HHAT: variants seen among roughly 807,000 people sequenced by gnomAD.
HHAT encodes protein-cysteine N-palmitoyltransferase HHAT.
Under a neutral mutation model 70.8 loss-of-function variants are expected in HHAT, and 47 were observed. The ratio of observed to expected loss-of-function variants is 0.66; its 90% CI spans 0.53 to 0.85. HHAT has a LOEUF of 0.85. Ranked by LOEUF, HHAT falls within the 40% of genes least tolerant of loss-of-function variation. The pLI, the probability that HHAT is intolerant of heterozygous loss-of-function variation, is 0.00. For missense variants in HHAT, 609 were observed against 604.8 expected, an observed-to-expected ratio of 1.01 and a Z score of -0.07; for synonymous variants, 228 against 247.6, an observed-to-expected ratio of 0.92 and a Z score of 0.74.
At chr1:210,592,155 A>T (rs1272942352) in intron 10 of HHAT, among the ~76,000 whole-genome samples, 1 of 152,050 alleles carries the variant, frequency 6.6e-6, no homozygotes, top group African/African-American at 2.4e-5. Flanking sequence ...CAGTAGTTTC[A>T]TATTGTGAGA....
intron 8 of HHAT, among the ~76,000 whole-genome samples, chr1:210,475,016 A>G (rs567612310): frequency 8.7e-6 from 1 of 114,392 alleles, no homozygotes; most frequent in South Asian, 2.7e-4. Context: ...ACAACTAGCT[A>G]TTTTTTTTGT....
intron 2 of HHAT, among the ~76,000 whole-genome samples, chr1:210,362,321 A>G (rs116178380): frequency 0.028 from 4,195 of 151,544 alleles, 81 homozygotes; most frequent in Middle Eastern, 0.071. Context: ...TCTTGGCTCA[A>G]TGCAACCTCT....
intron 9 of HHAT, among the ~76,000 whole-genome samples, chr1:210,552,037 C>T (rs779398329): frequency 2.0e-5 from 3 of 152,206 alleles, no homozygotes; most frequent in Non-Finnish European, 4.4e-5. Flanking sequence ...AATCTATGAC[C>T]CGCAGAGTGC....
chr1:210,640,704 A>G (rs1672822814), intron 11 of HHAT, among the ~76,000 whole-genome samples: 1 of 150,930 alleles, frequency 6.6e-6, no homozygotes, highest in Non-Finnish European at 1.5e-5. Flanking sequence ...CTTTAGGCTA[A>G]TGTTAGCCAG....
At chr1:210,374,427 C>G (rs555848489) in intron 3 of HHAT, among the ~76,000 whole-genome samples, 1 of 151,892 alleles carries the variant, frequency 6.6e-6, no homozygotes, top group African/African-American at 2.4e-5. Flanking sequence ...AAGAAATATT[C>G]TTTTAAGCTT....
intron 10 of HHAT, among the ~76,000 whole-genome samples, chr1:210,604,994 C>T (rs1665084223): frequency 6.8e-6 from 1 of 147,116 alleles, no homozygotes; most frequent in Non-Finnish European, 1.5e-5. Context: ...AGCTATTGTG[C>T]TCCAGCCTGG....
chr1:210,375,303 A>G (rs748935858), intron 3 of HHAT, among the ~76,000 whole-genome samples: 3,636 of 69,132 alleles, frequency 0.053, 75 homozygotes, highest in Non-Finnish European at 0.069. Flanking sequence ...GTGTATATAC[A>G]CACACACATT....
At chr1:210,653,963 C>CAGT (rs377460216) in intron 11 of HHAT, among the ~76,000 whole-genome samples, 1 of 368 alleles carries the variant, frequency 2.7e-3, no homozygotes. Flanking sequence ...AATAGTGTGA[C>CAGT]GGGAATAGTG....
At chr1:210,405,025 A>G (rs574246333) in intron 6 of HHAT, among the ~76,000 whole-genome samples, 17 of 152,186 alleles carry the variant, frequency 1.1e-4, no homozygotes, top group Non-Finnish European at 2.4e-4. Flanking sequence ...TTATGATGCT[A>G]TTACTTGAAG....
At chr1:210,518,390 A>G (rs1433589408) in intron 9 of HHAT, among the ~76,000 whole-genome samples, 1 of 152,188 alleles carries the variant, frequency 6.6e-6, no homozygotes, top group Admixed American at 6.5e-5. Context: ...CTCCAGATCA[A>G]TCCACGTTGT....
chr1:210,589,888 G>A (rs1022113580), intron 10 of HHAT: 3 of 152,182 alleles, frequency 2.0e-5, no homozygotes, highest in African/African-American at 7.2e-5. Context: ...TTGGTACATA[G>A]TAATTTTTGA....
upstream of HHAT, chr1:210,328,357 T>TG (rs1231897791): frequency 2.0e-5 from 3 of 152,348 alleles, no homozygotes; most frequent in East Asian, 5.8e-4. Context: ...ATCAAAATCT[T>TG]CGTACCCATT....
At chr1:210,539,694 G>C (rs529465377) in intron 9 of HHAT, among the ~76,000 whole-genome samples, 2 of 152,216 alleles carry the variant, frequency 1.3e-5, no homozygotes, top group East Asian at 3.8e-4. Context: ...CAGAGGGCCA[G>C]AAGCTACGAG....
At position 210,556,664 on chromosome 1, in the gene HHAT, G is replaced by T. The variant is rs74795465; in HGVS notation, c.1044-31234G>T. ...CTTCACTCTCTTGCCATGTTTGATT[G>T]ATTGCAGTTTGGCAGATGTTGTTGA... On this transcript the variant is annotated intron_variant, in intron 9 of 11. Coordinates refer to ENST00000261458, the MANE Select transcript of HHAT (RefSeq NM_018194.6). 3.6e-3 allele frequency among the ~76,000 whole-genome samples: 549 copies of T among 152,322 alleles called. 6 individuals are homozygous for T. The highest frequency in any genetic ancestry group is 7.3e-3 in the South Asian group (35 of 4,824).
rs528634580 is a variant in HHAT, at chr1:210,414,635, G to A, written c.685-3519G>A. Among the ~76,000 whole-genome samples the A allele has an allele frequency of 2.5e-3, 378 of 152,290 alleles. 1 individual carries two copies. The highest frequency in any genetic ancestry group is 3.5e-3 in the Non-Finnish European group (235 of 68,028). On this transcript the variant is annotated intron_variant, in intron 6 of 11. Coordinates refer to ENST00000261458, the MANE Select transcript of HHAT (RefSeq NM_018194.6). ...TGGAGAAGCAGGATGAAGAAACAGAGGGGTCTTGAGTACATTTGCCTCTCT... is the reference window on the plus strand; with the variant it reads ...TGGAGAAGCAGGATGAAGAAACAGAAGGGTCTTGAGTACATTTGCCTCTCT...
In HHAT at chr1:210,441,367, A is replaced by AT. The variant is rs200055555; in HGVS notation, c.856+23050dup. Among the ~76,000 whole-genome samples the AT allele has an allele frequency of 7.1e-3, 1,079 of 152,152 alleles. 9 individuals carry two copies. Among genetic ancestry groups the AT allele is most frequent in the African/African-American group, 0.025 (1,031 of 41,496 alleles). The stretch of plus-strand genomic sequence containing the variant: ...GCCCAGAGGGACAGAAAACTCAGTA[A>AT]TTTTTTTTATAGAGGTGCTGGTCTG... On this transcript the variant is annotated intron_variant, in intron 7 of 11. Transcript: ENST00000261458.
At chr1:210,563,623 C>T (rs1442820988) in intron 9 of HHAT, among the ~76,000 whole-genome samples, 2 of 152,162 alleles carry the variant, frequency 1.3e-5, no homozygotes, top group Non-Finnish European at 2.9e-5. Flanking sequence ...CAGTGGTGCT[C>T]TCAGCAACTG....
At chr1:210,438,488 A>T (rs771758249) in intron 7 of HHAT, among the ~76,000 whole-genome samples, 2 of 151,820 alleles carry the variant, frequency 1.3e-5, no homozygotes, top group Non-Finnish European at 2.9e-5. Context: ...AACTGCTCTG[A>T]AGTGATATAC....
chr1:210,648,522 C>T (rs1286333934), intron 11 of HHAT, among the ~76,000 whole-genome samples: 1 of 152,202 alleles, frequency 6.6e-6, no homozygotes, highest in African/African-American at 2.4e-5. Flanking sequence ...TCTGCTGTTG[C>T]ACAGGTCTGA....
Sources: allele counts gnomAD v4.1 joint callset (sites outside exome capture counted in the v4.1 genomes callset), GRCh38; gene constraint gnomAD v4.1.1; transcripts MANE v1.5; gene names NCBI Gene and HGNC (gene_info 2026-07-23, HGNC 2026-07-21).